The following PDE1C variants were observed in gnomAD, a reference collection of about 807,000 sequenced individuals.
The protein encoded by PDE1C is dual specificity calcium/calmodulin-dependent 3',5'-cyclic nucleotide phosphodiesterase 1C.
A neutral mutation model predicts 93.1 loss-of-function variants in PDE1C; 62 were observed. The ratio of observed to expected loss-of-function variants is 0.67; its 90% CI spans 0.54 to 0.82. PDE1C has a LOEUF of 0.82. Ranked by LOEUF, PDE1C falls within the 40% of genes least tolerant of loss-of-function variation. The pLI is 0.00. For missense variants in PDE1C, 742 were observed against 884.6 expected, an observed-to-expected ratio of 0.84 and a Z score of 2.04; for synonymous variants, 325 against 310.1, an observed-to-expected ratio of 1.05 and a Z score of -0.50.
At chr7:32,249,933 A>G (rs1809244045) in intron 1 of PDE1C, among the ~76,000 whole-genome samples, 1 of 152,224 alleles carries the variant, frequency 6.6e-6, no homozygotes, top group Admixed American at 6.5e-5. Flanking sequence ...AAGAATATAA[A>G]TACAAAATAT....
intron 2 of PDE1C, among the ~76,000 whole-genome samples, chr7:31,896,668 C>T (rs1337371555): frequency 2.0e-5 from 3 of 152,178 alleles, no homozygotes; most frequent in African/African-American, 7.2e-5. Flanking sequence ...ATTCCCAAAG[C>T]CAACATTGCA....
intron 2 of PDE1C, among the ~76,000 whole-genome samples, chr7:31,998,083 A>G (rs758367810): frequency 8.6e-5 from 13 of 151,738 alleles, no homozygotes; most frequent in Admixed American, 5.9e-4. Flanking sequence ...GCAGTGGCGC[A>G]ATCTTGGCTC....
chr7:31,846,959 A>T (rs1018818264), intron 9 of PDE1C, among the ~76,000 whole-genome samples: 4 of 152,108 alleles, frequency 2.6e-5, no homozygotes, highest in Non-Finnish European at 5.9e-5. Context: ...AGTAAAGTTC[A>T]TTTCTCTAAA....
At chr7:31,627,157 CTG>C in the PDE1C span, among the ~76,000 whole-genome samples, 1 of 152,186 alleles carries the variant, frequency 6.6e-6, no homozygotes, top group Non-Finnish European at 1.5e-5. Context: ...AATGGCTGGG[CTG>C]TGTCTTTCAG....
intron 11 of PDE1C, among the ~76,000 whole-genome samples, chr7:31,834,131 T>A (rs1216980346): frequency 1.3e-5 from 2 of 152,170 alleles, no homozygotes; most frequent in Non-Finnish European, 2.9e-5. Context: ...TGCACAGAAG[T>A]CAAGAATTGA....
At chr7:32,113,236 A>AAT (rs35138046) in intron 3 of PDE1C, among the ~76,000 whole-genome samples, 12,870 of 93,854 alleles carry the variant, frequency 0.14, 1,367 homozygotes, top group Admixed American at 0.28. Flanking sequence ...ATTGTCCTTA[A>AAT]ATATATATAT....
At chr7:31,759,578 G>A (rs564210469) in intron 17 of PDE1C, among the ~76,000 whole-genome samples, 4 of 152,328 alleles carry the variant, frequency 2.6e-5, no homozygotes, top group Non-Finnish European at 4.4e-5. Flanking sequence ...AGTTAATGAA[G>A]ATTGTGACAA....
At chr7:31,741,061 CA>C in the PDE1C span, among the ~76,000 whole-genome samples, 129,090 of 144,530 alleles carry the variant, frequency 0.89, 58,126 homozygotes, top group South Asian at 0.98. Context: ...GACCCTGTCT[CA>C]AAAAAAAAAA....
intron 1 of PDE1C, among the ~76,000 whole-genome samples, chr7:32,409,713 A>G (rs1159731576): frequency 2.0e-5 from 3 of 152,040 alleles, no homozygotes; most frequent in Non-Finnish European, 4.4e-5. Flanking sequence ...CCTATTGTTA[A>G]TTTTTAAGCC....
chr7:31,880,979 G>A, intron 2 of PDE1C, 119 bp from the exon 3 acceptor site: 8 of 677,912 alleles, frequency 1.2e-5, no homozygotes, highest in South Asian at 3.6e-5. Flanking sequence ...ACATCTGAAA[G>A]GAAAATAATT....
chr7:32,094,475 T>C (rs1258005953), intron 3 of PDE1C, among the ~76,000 whole-genome samples: 2 of 152,208 alleles, frequency 1.3e-5, no homozygotes, highest in Non-Finnish European at 2.9e-5. Flanking sequence ...CTCCCTTTAC[T>C]GCTAAACAAG....
the PDE1C span, among the ~76,000 whole-genome samples, chr7:31,675,225 ATAGCTATT>A: frequency 1.3e-5 from 2 of 152,184 alleles, no homozygotes; most frequent in African/African-American, 4.8e-5. Context: ...ATCTTGGATC[ATAGCTATT>A]GAATTCAAGG....
chr7:32,101,271 G>A (rs550624493), intron 3 of PDE1C, among the ~76,000 whole-genome samples: 10 of 152,224 alleles, frequency 6.6e-5, no homozygotes, highest in South Asian at 6.2e-4. Context: ...GGGTAATACC[G>A]GATACCCAAG....
At chr7:31,868,762 A>C (rs1162297092) in intron 6 of PDE1C, among the ~76,000 whole-genome samples, 2 of 152,172 alleles carry the variant, frequency 1.3e-5, no homozygotes, top group Non-Finnish European at 2.9e-5. Flanking sequence ...TGTCAAAATC[A>C]AAGACAAAAA....
intron 2 of PDE1C, among the ~76,000 whole-genome samples, chr7:32,005,633 T>A (rs1786136209): frequency 6.7e-6 from 1 of 148,218 alleles, no homozygotes; most frequent in South Asian, 2.1e-4. Context: ...GAATTTTAAC[T>A]GTGTAAAAGA....
At chr7:32,154,278 A>T (rs1022094839) in intron 3 of PDE1C, among the ~76,000 whole-genome samples, 11 of 152,278 alleles carry the variant, frequency 7.2e-5, no homozygotes, top group African/African-American at 2.2e-4. Context: ...AAAATTTAAA[A>T]ATTTAAAGTT....
intron 3 of PDE1C, among the ~76,000 whole-genome samples, chr7:32,120,350 T>C (rs1010877139): frequency 6.6e-6 from 1 of 152,070 alleles, no homozygotes; most frequent in African/African-American, 2.4e-5. Flanking sequence ...GACAAGTGGG[T>C]TTCCCCCCAG....
intron 1 of PDE1C, among the ~76,000 whole-genome samples, chr7:32,264,911 T>C (rs1810460845): frequency 6.6e-6 from 1 of 152,240 alleles, no homozygotes; most frequent in African/African-American, 2.4e-5. Context: ...TCCTTTTTTG[T>C]TCCCCCAGTT....
chr7:32,202,791 T>C (rs1356644697), intron 2 of PDE1C, among the ~76,000 whole-genome samples: 1 of 152,122 alleles, frequency 6.6e-6, no homozygotes, highest in East Asian at 1.9e-4. Flanking sequence ...TGTCTTGTGT[T>C]CTTTTGTGTT....
Sources: gnomAD v4.1 joint callset for allele counts (sites outside exome capture counted in the v4.1 genomes callset) on GRCh38, gnomAD v4.1.1 for gene constraint, MANE v1.5 for transcripts, NCBI Gene and HGNC (gene_info 2026-07-23, HGNC 2026-07-21) for gene names.